The following RBFOX1 variants were observed in gnomAD, a reference collection of about 807,000 sequenced individuals.
RBFOX1 encodes RNA binding protein fox-1 homolog 1.
RBFOX1 carries 8 observed loss-of-function variants against 57.7 expected under a neutral mutation model. The ratio of observed to expected loss-of-function variants is 0.14; its 90% CI spans 0.08 to 0.25. The LOEUF (loss-of-function observed/expected upper bound fraction) is 0.25, where lower values mean the gene tolerates loss of function less well. RBFOX1 is among the 10% of genes least tolerant of loss of function. RBFOX1 has a pLI of 1.00. For missense variants in RBFOX1, 611 were observed against 548.5 expected (o/e 1.11, Z -1.14); for synonymous variants, 326 against 222.4 (o/e 1.47, Z -4.15).
intron 14 of RBFOX1, among the ~76,000 whole-genome samples, chr16:7,700,030 C>A (rs1205716062): frequency 6.6e-6 from 1 of 152,060 alleles, no homozygotes; most frequent in East Asian, 1.9e-4. Flanking sequence ...GAGGGACATT[C>A]CTTGGGGTTC....
At chr16:6,716,560 TTG>T (rs1247962268) in intron 3 of RBFOX1, among the ~76,000 whole-genome samples, 1 of 152,254 alleles carries the variant, frequency 6.6e-6, no homozygotes, top group Non-Finnish European at 1.5e-5. Context: ...TTCCATCTTC[TTG>T]GAATGGAACT....
chr16:6,617,630 G>A (rs1259422200), intron 2 of RBFOX1, among the ~76,000 whole-genome samples: 2 of 152,102 alleles, frequency 1.3e-5, no homozygotes, highest in Admixed American at 1.3e-4. Flanking sequence ...CTTTGCATGT[G>A]TTCCAGGTGT....
chr16:5,890,171 T>C (rs569607909), intron 4 of RBFOX1, among the ~76,000 whole-genome samples: 26 of 152,248 alleles, frequency 1.7e-4, no homozygotes, highest in Non-Finnish European at 3.4e-4. Flanking sequence ...ATCCCAGGTG[T>C]ATGTGCTTAA....
At chr16:6,013,656 C>T (rs889829106) in intron 4 of RBFOX1, among the ~76,000 whole-genome samples, 1 of 152,156 alleles carries the variant, frequency 6.6e-6, no homozygotes, top group African/African-American at 2.4e-5. Flanking sequence ...ACTGAATTTC[C>T]TCCTTTCAAG....
intron 2 of RBFOX1, among the ~76,000 whole-genome samples, chr16:6,347,779 C>G (rs1434289157): frequency 6.6e-6 from 1 of 152,226 alleles, no homozygotes; most frequent in Non-Finnish European, 1.5e-5. Flanking sequence ...AATTGACAGT[C>G]TACCTGCGAC....
intron 3 of RBFOX1, among the ~76,000 whole-genome samples, chr16:5,807,417 C>A (rs28416174): frequency 0.012 from 1,816 of 152,270 alleles, 35 homozygotes; most frequent in African/African-American, 0.042. Flanking sequence ...TCTCAGAAAG[C>A]TGCTGTCTGA....
At position 7,595,577 on chromosome 16, in the gene RBFOX1, G is replaced by C; in HGVS notation, c.497G>C (p.Ser166Thr). The C allele has an allele frequency of 1.3e-6, 2 of 1,561,510 alleles. No homozygotes were observed. The highest frequency in any genetic ancestry group is 1.7e-6 in the Non-Finnish European group (2 of 1,150,418). ...KGFGFVTFENSADADRAREKL... is the reference protein window; with the variant it reads ...KGFGFVTFENTADADRAREKL... ...TTTGGTTTCGTAACTTTCGAAAATAGTGCCGATGCGGACAGGGCGAGGGAG... is the reference window on the plus strand; with the variant it reads ...TTTGGTTTCGTAACTTTCGAAAATACTGCCGATGCGGACAGGGCGAGGGAG... The change falls in exon 8 of 16, where the codon AGT (serine) becomes ACT (threonine). Residue 166 changes from serine to threonine, a missense_variant. Physicochemically the swap from Ser to Thr is moderately conservative, Grantham distance 58. This residue lies in a region of RBFOX1 where 99 missense variants were observed against 160.3 expected (regional missense o/e 0.62). Coordinates refer to ENST00000550418, the MANE Select transcript of RBFOX1 (RefSeq NM_018723.4).
At chr16:6,599,633 C>T (rs1285342868) in intron 2 of RBFOX1, among the ~76,000 whole-genome samples, 8 of 152,150 alleles carry the variant, frequency 5.3e-5, no homozygotes, top group Non-Finnish European at 7.3e-5. Flanking sequence ...TATTCCTTTA[C>T]TAGTGACACT....
intron 2 of RBFOX1, among the ~76,000 whole-genome samples, chr16:6,593,075 C>T (rs958848861): frequency 1.3e-5 from 2 of 152,134 alleles, no homozygotes; most frequent in African/African-American, 4.8e-5. Context: ...GCCTGTACTC[C>T]CAGCTACTTG....
intron 2 of RBFOX1, among the ~76,000 whole-genome samples, chr16:6,362,614 A>G (rs550408401): frequency 1.3e-5 from 2 of 152,330 alleles, no homozygotes; most frequent in South Asian, 2.1e-4. Context: ...GGTAGAGGGC[A>G]GAGTAAATGG....
In RBFOX1 at chr16:6,877,133, A is replaced by C. The variant is rs377589456; in HGVS notation, c.-15-174924A>C. Among the ~76,000 whole-genome samples, 7 of 152,350 alleles carry C rather than the reference A, an allele frequency of 4.6e-5. No homozygotes were observed. The East Asian group carries it at 1.2e-3, about 25-fold the overall frequency. On this transcript the variant is annotated intron_variant, in intron 3 of 15. Coordinates refer to ENST00000550418, the MANE Select transcript of RBFOX1 (RefSeq NM_018723.4). ...CCGCTGAAGAGAAATAACACCAAAC[A>C]ACAGTAAACAAAAAAGCAGACGAAT...
At chr16:6,835,752 TAAAAAAAAAAAA>T (rs56299805) in intron 3 of RBFOX1, among the ~76,000 whole-genome samples, 17,464 of 77,912 alleles carry the variant, frequency 0.22, 1,444 homozygotes, top group Admixed American at 0.27. Context: ...AGACTCTGCT[TAAAAAAAAAAAA>T]AAAAAAAAAA....
At chr16:7,080,504 C>G (rs985008618) in intron 4 of RBFOX1, among the ~76,000 whole-genome samples, 1 of 152,116 alleles carries the variant, frequency 6.6e-6, no homozygotes, top group East Asian at 1.9e-4. Context: ...TTTTCCCCTT[C>G]ATGTTTGTTA....
chr16:7,587,536 G>A (rs1439350788), intron 7 of RBFOX1, among the ~76,000 whole-genome samples: 4 of 152,008 alleles, frequency 2.6e-5, no homozygotes, highest in African/African-American at 4.8e-5. Context: ...GTTTCCAGAG[G>A]AAAATTATAC....
At chr16:5,340,026 C>T (rs1337712321) in intron 1 of RBFOX1, among the ~76,000 whole-genome samples, 2 of 152,310 alleles carry the variant, frequency 1.3e-5, no homozygotes, top group East Asian at 3.9e-4. Context: ...TCCCAGTGAG[C>T]AGCACCAGCA....
At chr16:7,586,843 A>T (rs1172582939) in intron 6 of RBFOX1, among the ~76,000 whole-genome samples, 1 of 152,198 alleles carries the variant, frequency 6.6e-6, no homozygotes, top group Non-Finnish European at 1.5e-5. Context: ...GTCACATCAC[A>T]TTCTCACTGG....
intron 2 of RBFOX1, among the ~76,000 whole-genome samples, chr16:6,392,304 T>A (rs2152935131): frequency 6.6e-6 from 1 of 152,364 alleles, no homozygotes; most frequent in Non-Finnish European, 1.5e-5. Flanking sequence ...CGAAGAAGCA[T>A]CTGTAGTAAG....
chr16:7,673,630 C>A (rs1471940035), intron 13 of RBFOX1, among the ~76,000 whole-genome samples: 1 of 152,124 alleles, frequency 6.6e-6, no homozygotes, highest in Admixed American at 6.5e-5. Flanking sequence ...AGAGGTTTTG[C>A]TAACAAAGGA....
chr16:6,582,069 C>T (rs1189317866), intron 2 of RBFOX1, among the ~76,000 whole-genome samples: 1 of 152,120 alleles, frequency 6.6e-6, no homozygotes, highest in Non-Finnish European at 1.5e-5. Flanking sequence ...AAGACCAGCT[C>T]CCCACCCAAC....
Sources: allele counts gnomAD v4.1 joint callset (sites outside exome capture counted in the v4.1 genomes callset), GRCh38; gene constraint gnomAD v4.1.1; regional missense constraint gnomAD v4.1.1; transcripts MANE v1.5; gene names NCBI Gene and HGNC (gene_info 2026-07-23, HGNC 2026-07-21).